The following GLIPR1 variants were observed in gnomAD, a reference collection of about 807,000 sequenced individuals.
GLIPR1 encodes GLI pathogenesis related 1, also known as glioma pathogenesis-related protein 1.
GLIPR1 carries 38 observed loss-of-function variants against 30.3 expected under a neutral mutation model. The observed-to-expected ratio is 1.26, with a 90% CI of 0.97 to 1.65. The LOEUF (loss-of-function observed/expected upper bound fraction) is 1.65. Among genes scored for constraint, GLIPR1 ranks in the 40% most tolerant of loss-of-function variants. The pLI is 0.00. For missense variants in GLIPR1, 285 were observed against 326.5 expected (o/e 0.87, Z 0.98); for synonymous variants, 122 against 110.6 (o/e 1.10, Z -0.65).
intron 2 of GLIPR1, chr12:75,487,668 C>T (rs1288343283): frequency 4.6e-6 from 2 of 438,794 alleles, no homozygotes; most frequent in Non-Finnish European, 9.1e-6. Context: ...TCTACCACAC[C>T]TTTAAATCTT....
At chr12:75,486,960 A>T (rs1308284596) in intron 2 of GLIPR1, among the ~76,000 whole-genome samples, 1 of 152,198 alleles carries the variant, frequency 6.6e-6, no homozygotes, top group Non-Finnish European at 1.5e-5. Context: ...TTGTATCTTT[A>T]TTATACCCTA....
intron 3 of GLIPR1, chr12:75,491,521 T>G (rs962257837): frequency 2.0e-5 from 3 of 152,236 alleles, no homozygotes; most frequent in Admixed American, 6.5e-5. Flanking sequence ...TTCCTTGAGA[T>G]ACTAGCACGT....
At position 75,500,798 on chromosome 12, in the gene GLIPR1, G is replaced by A. The variant is rs1245475185; in HGVS notation, c.*1820G>A. On this transcript the variant is annotated 3_prime_UTR_variant, in exon 6 of 6. Coordinates refer to ENST00000266659, the MANE Select transcript of GLIPR1 (RefSeq NM_006851.3). ...TACCCAGCAACCTGAGAAGCACAGA[G>A]TGTTAAAGCCTCCACCGTGTGGAGA... The A allele has an allele frequency of 6.6e-6, 1 of 152,032 alleles. No homozygotes were observed. The highest frequency in any genetic ancestry group is 1.5e-5 in the Non-Finnish European group (1 of 67,976). The allele number at this position is 152,032 out of a possible 1,614,324, so 9.4% of individuals were successfully genotyped here.
Position 75,480,833 on chromosome 12 carries a change from G to A in GLIPR1, c.-48G>A, listed in dbSNP as rs2046266238. 3.4e-6 allele frequency: 5 copies of A among 1,483,762 alleles called. No individual in the cohort carries two copies. The highest frequency in any genetic ancestry group is 2.8e-5 in the African/African-American group (2 of 71,898). The allele number at this position is 1,483,762 out of a possible 1,614,324, so 91.9% of individuals were successfully genotyped here. A position where few individuals can be genotyped will look rare whatever the true frequency, so the allele number is the denominator to read the frequency against. ...TCAGGCAATCACACTCTCAGAAACT[G>A]CGGCGGCTCTGGACTGCAGCCTCCC... is the stretch of plus-strand genomic sequence containing the variant. On this transcript the variant is annotated 5_prime_UTR_variant, in exon 1 of 6. Transcript: ENST00000266659.
intron 2 of GLIPR1, among the ~76,000 whole-genome samples, chr12:75,485,549 ATTTATTTATTTATTTT>A (rs2046289740): frequency 6.8e-6 from 1 of 146,806 alleles, no homozygotes; most frequent in Non-Finnish European, 1.5e-5. Context: ...TTATTTATTT[ATTTATTTATTTATTTT>A]TTTGAGACGG....
chr12:75,481,770 C>G (rs928945694), intron 1 of GLIPR1, 64 bp from the exon 2 acceptor site: 37 of 1,480,824 alleles, frequency 2.5e-5, no homozygotes, highest in Non-Finnish European at 3.4e-5. Context: ...ATTCAAATTC[C>G]CACTGTACTC....
In GLIPR1 at chr12:75,499,898, C is replaced by G; in HGVS notation, c.*920C>G. 1 of 1,609,044 alleles carries G rather than the reference C, an allele frequency of 6.2e-7. No homozygotes were observed. The highest frequency in any genetic ancestry group is 8.5e-7 in the Non-Finnish European group (1 of 1,177,794). On this transcript the variant is annotated 3_prime_UTR_variant, in exon 6 of 6. Transcript: ENST00000266659. ...AGAGCTCCCAGTTTCTTATTCTTTG[C>G]TTTCTTAACCTTTTCCTTGATGCTG...
chr12:75,497,349 G>A (rs2046357489), intron 4 of GLIPR1: 2 of 152,162 alleles, frequency 1.3e-5, no homozygotes, highest in African/African-American at 4.8e-5. Context: ...TAAAGCTGTA[G>A]TCCAATAATG....
chr12:75,495,886 C>CA, intron 4 of GLIPR1: 14 of 326,014 alleles, frequency 4.3e-5, no homozygotes, highest in Non-Finnish European at 6.7e-5. Context: ...CAAACAACAA[C>CA]AACAAAAAAA....
chr12:75,491,615 C>T (rs935207984), intron 3 of GLIPR1: 1 of 152,012 alleles, frequency 6.6e-6, no homozygotes, highest in African/African-American at 2.4e-5. Context: ...ACCATCAGTA[C>T]TAGGTATTAT....
At chr12:75,485,581 C>T (rs1053286241) in intron 2 of GLIPR1, among the ~76,000 whole-genome samples, 2 of 90,028 alleles carry the variant, frequency 2.2e-5, no homozygotes, top group Middle Eastern at 5.7e-3. Flanking sequence ...GACGGAGTCT[C>T]GCTCTGTCGC....
chr12:75,496,775 G>A (rs2046354298), intron 4 of GLIPR1: 1 of 152,124 alleles, frequency 6.6e-6, no homozygotes, highest in Non-Finnish European at 1.5e-5. Flanking sequence ...TGTTTTATAA[G>A]GTCCCTTGCA....
Position 75,500,586 on chromosome 12 carries a change from C to CATTTTGG in GLIPR1, c.*1609_*1615dup, listed in dbSNP as rs1246413239. 2.0e-5 allele frequency: 3 copies of CATTTTGG among 151,898 alleles called. No individual in the cohort carries two copies. The highest frequency in any genetic ancestry group is 7.2e-5 in the African/African-American group (3 of 41,390). The allele number at this position is 151,898 out of a possible 1,614,324, so 9.4% of individuals were successfully genotyped here. A position where few individuals can be genotyped will look rare whatever the true frequency, so the allele number is the denominator to read the frequency against. On this transcript the variant is annotated 3_prime_UTR_variant, in exon 6 of 6. Coordinates refer to ENST00000266659, the MANE Select transcript of GLIPR1 (RefSeq NM_006851.3). ...AACAAGATTTTGGTATATTTAACAA[C>CATTTTGG]ATTTTGGTAATAAAGACAATAATTT...
intron 2 of GLIPR1, chr12:75,487,682 G>T (rs1021032446): frequency 2.7e-5 from 12 of 445,128 alleles, no homozygotes; most frequent in Non-Finnish European, 9.0e-6. Context: ...AAATCTTGGA[G>T]AAGCTGAGAC....
In GLIPR1 at chr12:75,503,332, G is replaced by C. The variant is rs142647743; in HGVS notation, c.*4354G>C. 55 of 152,218 alleles carry C rather than the reference G, an allele frequency of 3.6e-4. No individual in the cohort carries two copies. Among genetic ancestry groups the C allele is most frequent in the African/African-American group, 1.3e-3 (54 of 41,572 alleles). 9.4% of individuals were successfully genotyped at this position (152,218 alleles called of 1,614,324 possible). ...AAACTTTCTCTAACTTAATTTGGTA[G>C]CCACGTTGCAAGGAAGAAGTCAAGT... On this transcript the variant is annotated 3_prime_UTR_variant, in exon 6 of 6. Transcript: ENST00000266659.
Position 75,499,074 on chromosome 12 carries a change from A to G in GLIPR1, c.*96A>G, listed in dbSNP as rs1443108853. ...ATTAGGTGTACTTCTATTTTAAAAC[A>G]TTTCAGAAAAAAATATATGTTATAG... is the stretch of plus-strand genomic sequence containing the variant. On this transcript the variant is annotated 3_prime_UTR_variant, in exon 6 of 6. Coordinates refer to ENST00000266659, the MANE Select transcript of GLIPR1 (RefSeq NM_006851.3). The G allele has an allele frequency of 1.4e-6, 1 of 736,160 alleles. No individual in the cohort carries two copies. The highest frequency in any genetic ancestry group is 2.8e-5 in the East Asian group (1 of 35,166). 45.6% of individuals were successfully genotyped at this position (736,160 alleles called of 1,614,324 possible).
At chr12:75,494,445 T>C (rs2046339072) in intron 3 of GLIPR1, 1 of 152,190 alleles carries the variant, frequency 6.6e-6, no homozygotes. Flanking sequence ...TGCAGAGAAC[T>C]CAAAATATAG....
Position 75,500,557 on chromosome 12 carries a change from TTTTAACAAGATTTTGGTATA to T in GLIPR1, c.*1588_*1607del, listed in dbSNP as rs1262110754. 6.6e-6 allele frequency: 1 copy of T among 152,090 alleles called. No homozygotes were observed. Among genetic ancestry groups the T allele is most frequent in the Admixed American group, 6.6e-5 (1 of 15,228 alleles). The allele number at this position is 152,090 out of a possible 1,614,324, so 9.4% of individuals were successfully genotyped here. On this transcript the variant is annotated 3_prime_UTR_variant, in exon 6 of 6. Transcript: ENST00000266659. The stretch of plus-strand genomic sequence containing the variant: ...TTCAATGAATGACTAATTAATAGTA[TTTTAACAAGATTTTGGTATA>T]TTTAACAACATTTTGGTAATAAAGA...
At chr12:75,494,749 GC>G (rs1464567655) in intron 3 of GLIPR1, 1 of 152,090 alleles carries the variant, frequency 6.6e-6, no homozygotes, top group Non-Finnish European at 1.5e-5. Flanking sequence ...AGATAAATGT[GC>G]CCCCTCTCCC....
Sources: allele counts gnomAD v4.1 joint callset (sites outside exome capture counted in the v4.1 genomes callset), GRCh38; gene constraint gnomAD v4.1.1; transcripts MANE v1.5; gene names NCBI Gene and HGNC (gene_info 2026-07-23, HGNC 2026-07-21).